UBA2: variants seen among roughly 807,000 people sequenced by gnomAD.
The protein encoded by UBA2 is ubiquitin like modifier activating enzyme 2, also known as SUMO-activating enzyme subunit 2.
Under a neutral mutation model 77.2 loss-of-function variants are expected in UBA2, and 11 were observed. The ratio of observed to expected loss-of-function variants is 0.14; its 90% CI spans 0.09 to 0.24. The LOEUF is 0.24. UBA2 is among the 10% of genes least tolerant of loss of function. UBA2 has a pLI of 1.00. For synonymous variants in UBA2, 278 were observed against 276.7 expected, an observed-to-expected ratio of 1.00 and a Z score of -0.05; for missense variants, 487 against 781.7, an observed-to-expected ratio of 0.62 and a Z score of 4.50.
chr19:34,434,190 C>T (rs2075285664), intron 4 of UBA2, among the ~76,000 whole-genome samples: 2 of 152,192 alleles, frequency 1.3e-5, no homozygotes, highest in African/African-American at 2.4e-5. Flanking sequence ...TCATAACTCA[C>T]TGAAGCCTTC....
intron 12 of UBA2, among the ~76,000 whole-genome samples, chr19:34,457,315 C>T (rs1228879685): frequency 3.3e-5 from 5 of 149,380 alleles, no homozygotes; most frequent in South Asian, 2.1e-4. Flanking sequence ...TGCATTAAGC[C>T]GAGATCGCGC....
chr19:34,447,350 C>CA (rs2075443186), intron 8 of UBA2, among the ~76,000 whole-genome samples: 1 of 152,180 alleles, frequency 6.6e-6, no homozygotes, highest in Admixed American at 6.5e-5. Context: ...CACACACACA[C>CA]CCAAGACCAG....
chr19:34,444,522 A>G (rs1233623994), intron 7 of UBA2, among the ~76,000 whole-genome samples: 1 of 152,186 alleles, frequency 6.6e-6, no homozygotes, highest in Non-Finnish European at 1.5e-5. Flanking sequence ...CTAAGTTACA[A>G]CAGGCCAGGC....
intron 7 of UBA2, among the ~76,000 whole-genome samples, chr19:34,444,670 G>A (rs1339763836): frequency 1.3e-5 from 2 of 152,204 alleles, no homozygotes; most frequent in Non-Finnish European, 2.9e-5. Flanking sequence ...AGCCAGGCAT[G>A]GTGGTGCATA....
chr19:34,444,258 A>G (rs1247492919), intron 7 of UBA2, among the ~76,000 whole-genome samples: 1 of 151,976 alleles, frequency 6.6e-6, no homozygotes, highest in Non-Finnish European at 1.5e-5. Flanking sequence ...GGGTTTCACC[A>G]TGTTAGCCAG....
intron 6 of UBA2, among the ~76,000 whole-genome samples, chr19:34,440,216 T>G (rs922445240): frequency 6.7e-6 from 1 of 149,626 alleles, no homozygotes; most frequent in Non-Finnish European, 1.5e-5. Flanking sequence ...CCCAGCTACT[T>G]GGGAGACTGA....
chr19:34,443,001 T>C (rs190806406), intron 6 of UBA2, among the ~76,000 whole-genome samples: 1 of 152,328 alleles, frequency 6.6e-6, no homozygotes, highest in Admixed American at 6.5e-5. Context: ...CCATGAGTTA[T>C]TAAACAGTTT....
At position 34,444,987 on chromosome 19, in the gene UBA2, G is replaced by T; in HGVS notation, c.650-13G>T. 6.2e-7 allele frequency: 1 copy of T among 1,604,518 alleles called. No individual in the cohort carries two copies. The highest frequency in any genetic ancestry group is 1.1e-5 in the South Asian group (1 of 88,764). ...TTATTACGGTTGAAAATAAAATAAT[G>T]ATCGTTTTATAGGGGAACCAACGGA... On this transcript the variant is annotated splice_polypyrimidine_tract_variant and intron_variant, in intron 7 of 16. Transcript: ENST00000246548.
At chr19:34,461,257 T>C (rs1186991698) in intron 14 of UBA2, among the ~76,000 whole-genome samples, 1 of 152,226 alleles carries the variant, frequency 6.6e-6, no homozygotes, top group East Asian at 1.9e-4. Context: ...TCCCTGTATA[T>C]TGACTTAATT....
Position 34,451,456 on chromosome 19 carries a change from C to T in UBA2, c.872-525C>T, listed in dbSNP as rs193095222. 2.0e-4 allele frequency among the ~76,000 whole-genome samples: 30 copies of T among 149,526 alleles called. 1 individual carries two copies. Among genetic ancestry groups the T allele is most frequent in the Admixed American group, 2.7e-4 (4 of 14,940 alleles). On this transcript the variant is annotated intron_variant, in intron 9 of 16. Coordinates refer to ENST00000246548, the MANE Select transcript of UBA2 (RefSeq NM_005499.3). ...GCCTAATGCTTATTTATCATCTTAT[C>T]TACATTATATCTTCAAATCTCCCAG... is the stretch of plus-strand genomic sequence containing the variant.
At position 34,428,583 on chromosome 19, in the gene UBA2, C is replaced by T. The variant is rs566833339; in HGVS notation, c.138+13C>T. 1.6e-6 allele frequency: 2 copies of T among 1,235,290 alleles called. No homozygotes were observed. The highest frequency in any genetic ancestry group is 3.4e-5 in the East Asian group (1 of 29,748). The allele number at this position is 1,235,290 out of a possible 1,614,324, so 76.5% of individuals were successfully genotyped here. On this transcript the variant is annotated intron_variant, in intron 1 of 16. Transcript: ENST00000246548. ...CCACATCGACCTGGTGAGGGCCGGG[C>T]GCGCGCGCGTGAATGGCGGGCTGTG... is the stretch of plus-strand genomic sequence containing the variant.
intron 7 of UBA2, 133 bp downstream of exon 7, chr19:34,444,044 G>GTT (rs35028159): frequency 8.6e-4 from 151 of 175,684 alleles, no homozygotes; most frequent in South Asian, 2.6e-3. Flanking sequence ...TTTTTTTTTT[G>GTT]TTTTTTTTTT....
At chr19:34,461,046 A>C (rs2075625566) in intron 14 of UBA2, among the ~76,000 whole-genome samples, 2 of 152,226 alleles carry the variant, frequency 1.3e-5, no homozygotes, top group African/African-American at 4.8e-5. Context: ...TTTGCTATAC[A>C]AGGTACAATA....
intron 9 of UBA2, among the ~76,000 whole-genome samples, chr19:34,451,027 A>G (rs34582162): frequency 0.67 from 101,190 of 151,952 alleles, 36,882 homozygotes; most frequent in Non-Finnish European, 0.82. Context: ...TAGTCTTGCT[A>G]TGTTGCCCAG....
At chr19:34,442,818 A>G (rs2075385115) in intron 6 of UBA2, among the ~76,000 whole-genome samples, 2 of 152,176 alleles carry the variant, frequency 1.3e-5, no homozygotes, top group Non-Finnish European at 1.5e-5. Flanking sequence ...GCTGTCTACT[A>G]TTTTGCACTC....
chr19:34,460,265 G>C (rs1249193729), intron 13 of UBA2, among the ~76,000 whole-genome samples: 4 of 152,174 alleles, frequency 2.6e-5, no homozygotes, highest in African/African-American at 9.6e-5. Context: ...AGTTGGATCT[G>C]ATCTGCATCA....
chr19:34,438,207 A>C (rs1316648159), intron 5 of UBA2, among the ~76,000 whole-genome samples: 9 of 127,396 alleles, frequency 7.1e-5, no homozygotes, highest in Non-Finnish European at 1.3e-4. Flanking sequence ...CCCCAGACCC[A>C]CTTAGTTTTG....
chr19:34,440,014 G>A (rs1371011224), intron 6 of UBA2, among the ~76,000 whole-genome samples: 1 of 151,954 alleles, frequency 6.6e-6, no homozygotes, highest in Admixed American at 6.6e-5. Flanking sequence ...AATGATCTGG[G>A]TAAATACATT....
Position 34,464,135 on chromosome 19 carries a change from A to G in UBA2, c.1604+4A>G. Reference sequence around the variant, plus strand: ...TATTGATCAACATCCTTCATAGGTAAGAGCTATTAGTATTTTAATTGTAAG... The same window carrying G: ...TATTGATCAACATCCTTCATAGGTAGGAGCTATTAGTATTTTAATTGTAAG... On this transcript the variant is annotated splice_donor_region_variant and intron_variant, in intron 15 of 16. Transcript: ENST00000246548. 9 of 1,532,018 alleles carry G rather than the reference A, an allele frequency of 5.9e-6. No individual in the cohort carries two copies. The highest frequency in any genetic ancestry group is 6.3e-6 in the Non-Finnish European group (7 of 1,107,332). The allele number at this position is 1,532,018 out of a possible 1,614,324, so 94.9% of individuals were successfully genotyped here.
Sources: gnomAD v4.1 joint callset for allele counts (sites outside exome capture counted in the v4.1 genomes callset) on GRCh38, gnomAD v4.1.1 for gene constraint, MANE v1.5 for transcripts, NCBI Gene and HGNC (gene_info 2026-07-23, HGNC 2026-07-21) for gene names.